The following TMED10 variants were observed in gnomAD, a reference collection of about 807,000 sequenced individuals.
TMED10 encodes the protein transmembrane emp24 domain-containing protein 10.
In TMED10, 7 loss-of-function variants were observed where a neutral mutation model predicts 23.1. The ratio of observed to expected loss-of-function variants is 0.30; its 90% CI spans 0.17 to 0.57. The LOEUF (loss-of-function observed/expected upper bound fraction) is 0.57, where lower values mean the gene tolerates loss of function less well. Ranked by LOEUF, TMED10 falls within the 20% of genes least tolerant of loss-of-function variation. TMED10 has a pLI of 0.91. For missense variants in TMED10, 162 were observed against 274.8 expected (o/e 0.59, Z 2.90); for synonymous variants, 113 against 106.9 (o/e 1.06, Z -0.35).
In TMED10 at chr14:75,134,995, T is replaced by C; in HGVS notation, c.550A>G (p.Thr184Ala). 6.2e-7 allele frequency: 1 copy of C among 1,613,812 alleles called. No individual in the cohort carries two copies. The highest frequency in any genetic ancestry group is 8.5e-7 in the Non-Finnish European group (1 of 1,179,888). ...EMRDTNESTN[T>A]RVLYFSIFSM... Reference sequence around the variant, plus strand: ...AAGATGCTGAAGTATAGGACCCGAGTGTTTGTTGACTCTAAAAAAAAACAA... The same window carrying C: ...AAGATGCTGAAGTATAGGACCCGAGCGTTTGTTGACTCTAAAAAAAAACAA... The change falls in exon 5 of 5, where the codon ACT (threonine) becomes GCT (alanine). Residue 184 changes from threonine (T) to alanine (A), a missense_variant. Physicochemically the swap from Thr to Ala is moderately conservative, Grantham distance 58. This residue lies in a region of TMED10 where 126 missense variants were observed against 239.5 expected (regional missense o/e 0.53). Transcript: ENST00000303575.
At chr14:75,139,528 C>T (rs530354120) in intron 3 of TMED10, among the ~76,000 whole-genome samples, 4 of 151,498 alleles carry the variant, frequency 2.6e-5, no homozygotes, top group African/African-American at 7.3e-5. Context: ...CCCAATACTT[C>T]GAGAGGCTGA....
At chr14:75,137,704 C>A (rs1273463237) in intron 3 of TMED10, among the ~76,000 whole-genome samples, 2 of 125,446 alleles carry the variant, frequency 1.6e-5, no homozygotes, top group African/African-American at 5.5e-5. Context: ...CTGTTTCTTT[C>A]TTTCTTTTTT....
intron 3 of TMED10, among the ~76,000 whole-genome samples, chr14:75,145,324 AT>A (rs1393709490): frequency 6.6e-6 from 1 of 152,176 alleles, no homozygotes; most frequent in Non-Finnish European, 1.5e-5. Flanking sequence ...CCTAATGTCT[AT>A]AAAGTCCAAG....
intron 2 of TMED10, among the ~76,000 whole-genome samples, chr14:75,150,737 G>A (rs61980825): frequency 0.082 from 12,417 of 152,114 alleles, 706 homozygotes; most frequent in Non-Finnish European, 0.12. Context: ...TTTGCACAAC[G>A]AAATCACCTA....
At chr14:75,157,777 T>C (rs1594871106) in intron 1 of TMED10, among the ~76,000 whole-genome samples, 1 of 151,070 alleles carries the variant, frequency 6.6e-6, no homozygotes, top group African/African-American at 2.4e-5. Context: ...CCGTCTCTAC[T>C]AAAAATACAA....
chr14:75,164,566 TATA>T (rs1896133717), intron 1 of TMED10, among the ~76,000 whole-genome samples: 1 of 2,834 alleles, frequency 3.5e-4, no homozygotes, highest in Non-Finnish European at 1.1e-3. Context: ...TATATATATA[TATA>T]TATATATATT....
In TMED10 at chr14:75,147,184, T is replaced by C. The variant is rs762468708; in HGVS notation, c.411+480A>G. ...CACAGCCAGAATTATTCTTCAAGGC[T>C]GTTTTTTTTTTTTTTTTTTTTTGAG... On this transcript the variant is annotated intron_variant, in intron 3 of 4. Coordinates refer to ENST00000303575, the MANE Select transcript of TMED10 (RefSeq NM_006827.6). 5.5e-3 allele frequency among the ~76,000 whole-genome samples: 425 copies of C among 77,170 alleles called. 3 individuals carry two copies. In the Middle Eastern group the frequency reaches 0.073, roughly 13 times the overall value. The allele number at this position is 77,170 out of a possible 152,430, so 50.6% of individuals were successfully genotyped here. A position where few individuals can be genotyped will look rare whatever the true frequency, so the allele number is the denominator to read the frequency against.
chr14:75,140,005 T>C (rs914133229), intron 3 of TMED10, among the ~76,000 whole-genome samples: 2 of 152,112 alleles, frequency 1.3e-5, no homozygotes, highest in Admixed American at 1.3e-4. Context: ...GACTTAACAA[T>C]TAAATGCTAT....
In TMED10 at chr14:75,134,630, T is replaced by G; in HGVS notation, c.*255A>C. 5.3e-6 allele frequency: 2 copies of G among 380,758 alleles called. No homozygotes were observed. Among genetic ancestry groups the G allele is most frequent in the Admixed American group, 3.7e-5 (1 of 27,078 alleles). 23.6% of individuals were successfully genotyped at this position (380,758 alleles called of 1,614,324 possible). Reference sequence around the variant, plus strand: ...CATTATCTAGGTAACCCCTATTTTTTGTCATAGGTGACTCTAATAATAGAC... The same window carrying G: ...CATTATCTAGGTAACCCCTATTTTTGGTCATAGGTGACTCTAATAATAGAC... On this transcript the variant is annotated 3_prime_UTR_variant, in exon 5 of 5. Coordinates refer to ENST00000303575, the MANE Select transcript of TMED10 (RefSeq NM_006827.6).
intron 1 of TMED10, chr14:75,176,014 A>C: frequency 2.8e-6 from 1 of 353,794 alleles, no homozygotes; most frequent in Non-Finnish European, 5.3e-6. Context: ...AATCCGTATA[A>C]ATATTCAACA....
At chr14:75,174,985 A>G (rs760025416) in intron 1 of TMED10, among the ~76,000 whole-genome samples, 3 of 144,372 alleles carry the variant, frequency 2.1e-5, no homozygotes, top group Non-Finnish European at 4.5e-5. Flanking sequence ...GGCTGCAGTG[A>G]GCCGAGATCG....
chr14:75,135,301 A>T (rs901901775), intron 4 of TMED10, among the ~76,000 whole-genome samples: 1 of 152,008 alleles, frequency 6.6e-6, no homozygotes, highest in African/African-American at 2.4e-5. Flanking sequence ...TTAGCCAGGC[A>T]TGGTGGCTTG....
At chr14:75,164,014 A>T (rs1896117849) in intron 1 of TMED10, among the ~76,000 whole-genome samples, 1 of 152,110 alleles carries the variant, frequency 6.6e-6, no homozygotes, top group African/African-American at 2.4e-5. Flanking sequence ...TTATTGTTAT[A>T]ACTGTTGGTG....
intron 3 of TMED10, among the ~76,000 whole-genome samples, chr14:75,137,426 A>C (rs1215639744): frequency 6.8e-6 from 1 of 147,030 alleles, no homozygotes; most frequent in Non-Finnish European, 1.5e-5. Context: ...TAATCCCAGC[A>C]CTTTGGGAGG....
In TMED10 at chr14:75,133,175, G is replaced by A. The variant is rs1354163568; in HGVS notation, c.*1710C>T. Reference sequence around the variant, plus strand: ...ATTAAGTAAGTGACTGGCCATGCAAGGGTTGGAAATTTTACTTATTTTTCC... The same window carrying A: ...ATTAAGTAAGTGACTGGCCATGCAAAGGTTGGAAATTTTACTTATTTTTCC... On this transcript the variant is annotated 3_prime_UTR_variant, in exon 5 of 5. Coordinates refer to ENST00000303575, the MANE Select transcript of TMED10 (RefSeq NM_006827.6). 1.3e-5 allele frequency: 2 copies of A among 152,104 alleles called. No homozygotes were observed. The highest frequency in any genetic ancestry group is 1.5e-5 in the Non-Finnish European group (1 of 68,006). 9.4% of individuals were successfully genotyped at this position (152,104 alleles called of 1,614,324 possible).
intron 4 of TMED10, 132 bp downstream of exon 4, chr14:75,135,628 C>T (rs1388312594): frequency 3.1e-6 from 4 of 1,277,104 alleles, no homozygotes; most frequent in Non-Finnish European, 4.3e-6. Context: ...GCAGCAACAA[C>T]AGCGAAGCAA....
intron 1 of TMED10, among the ~76,000 whole-genome samples, chr14:75,164,575 ATATTTT>A (rs1896136280): frequency 3.4e-5 from 1 of 29,774 alleles, no homozygotes; most frequent in African/African-American, 4.1e-4. Context: ...ATATATATAT[ATATTTT>A]TTTTTTTTTT....
chr14:75,170,574 G>T (rs1207688559), intron 1 of TMED10, among the ~76,000 whole-genome samples: 1 of 151,946 alleles, frequency 6.6e-6, no homozygotes, highest in Non-Finnish European at 1.5e-5. Context: ...CATAAAGAAT[G>T]GAAACAACTG....
chr14:75,169,965 T>C (rs1282671904), intron 1 of TMED10, among the ~76,000 whole-genome samples: 1 of 151,406 alleles, frequency 6.6e-6, no homozygotes, highest in Non-Finnish European at 1.5e-5. Context: ...TGGTGGCTCA[T>C]GCCTGTAATC....
Sources: gnomAD v4.1 joint callset for allele counts (sites outside exome capture counted in the v4.1 genomes callset) on GRCh38, gnomAD v4.1.1 for gene constraint, gnomAD v4.1.1 regional missense constraint, MANE v1.5 for transcripts, NCBI Gene and HGNC (gene_info 2026-07-23, HGNC 2026-07-21) for gene names.